The following ZCCHC7 variants were observed in gnomAD, a reference collection of about 807,000 sequenced individuals.
The protein encoded by ZCCHC7 is zinc finger CCHC domain-containing protein 7.
A neutral mutation model predicts 52.0 loss-of-function variants in ZCCHC7; 35 were observed. The ratio of observed to expected loss-of-function variants is 0.67; its 90% CI spans 0.51 to 0.89. The LOEUF (loss-of-function observed/expected upper bound fraction) is 0.89. Ranked by LOEUF, ZCCHC7 falls within the 40% of genes least tolerant of loss-of-function variation. The pLI is 0.00. For synonymous variants in ZCCHC7, 217 were observed against 221.5 expected (o/e 0.98, Z 0.18); for missense variants, 574 against 649.1 (o/e 0.88, Z 1.26).
intron 2 of ZCCHC7, among the ~76,000 whole-genome samples, chr9:37,280,992 A>T (rs907827440): frequency 1.3e-5 from 2 of 152,218 alleles, no homozygotes; most frequent in East Asian, 1.9e-4. Flanking sequence ...AAGGACTGGG[A>T]TAGGCAGGTA....
At chr9:37,209,196 A>G (rs1052836906) in intron 2 of ZCCHC7, among the ~76,000 whole-genome samples, 1 of 151,994 alleles carries the variant, frequency 6.6e-6, no homozygotes. Context: ...GCCCACAACC[A>G]CGCCTGGCTA....
At chr9:37,279,571 A>G (rs896367755) in intron 2 of ZCCHC7, among the ~76,000 whole-genome samples, 1 of 152,100 alleles carries the variant, frequency 6.6e-6, no homozygotes, top group African/African-American at 2.4e-5. Flanking sequence ...ATTGATAATT[A>G]CATCTGGCCA....
At chr9:37,283,064 GTTTTC>G (rs1828048172) in intron 2 of ZCCHC7, among the ~76,000 whole-genome samples, 1 of 151,728 alleles carries the variant, frequency 6.6e-6, no homozygotes, top group Non-Finnish European at 1.5e-5. Flanking sequence ...AAATTCAATT[GTTTTC>G]TTTTCTGTTG....
At chr9:37,211,672 G>A (rs1052209891) in intron 2 of ZCCHC7, among the ~76,000 whole-genome samples, 2 of 152,114 alleles carry the variant, frequency 1.3e-5, no homozygotes, top group African/African-American at 4.8e-5. Context: ...ATATGGAAAT[G>A]TTGCTCAGCA....
chr9:37,150,972 T>G (rs893326602), intron 2 of ZCCHC7, among the ~76,000 whole-genome samples: 5 of 146,992 alleles, frequency 3.4e-5, no homozygotes, highest in African/African-American at 7.9e-5. Context: ...TTTTGTTTTT[T>G]TTTTTTTTTT....
chr9:37,337,120 A>G (rs182576140), intron 6 of ZCCHC7, among the ~76,000 whole-genome samples: 2 of 152,020 alleles, frequency 1.3e-5, no homozygotes, highest in African/African-American at 2.4e-5. Context: ...CTATTTCTTT[A>G]TTTCCCCTAA....
chr9:37,254,640 CT>C (rs1826486060), intron 2 of ZCCHC7, among the ~76,000 whole-genome samples: 1 of 151,990 alleles, frequency 6.6e-6, no homozygotes, highest in Admixed American at 6.6e-5. Flanking sequence ...TCTCTACCTA[CT>C]TTAAGAATTA....
rs1829177137 is a variant in ZCCHC7, at chr9:37,304,051, G to A, written c.655-137G>A. On this transcript the variant is annotated intron_variant, in intron 3 of 8. Coordinates refer to ENST00000336755, the MANE Select transcript of ZCCHC7 (RefSeq NM_032226.3). ...AACAGATATAACTAATAATTCTCTT[G>A]CTTTATCAAGGTAATGGAACTGACT... The A allele has an allele frequency of 6.5e-6, 5 of 770,288 alleles. 1 individual carries two copies. In the South Asian group the frequency reaches 9.4e-5, roughly 14 times the overall value. The allele number at this position is 770,288 out of a possible 1,614,324, so 47.7% of individuals were successfully genotyped here. A position where few individuals can be genotyped will look rare whatever the true frequency, so the allele number is the denominator to read the frequency against.
intron 2 of ZCCHC7, among the ~76,000 whole-genome samples, chr9:37,280,922 A>C (rs1033039034): frequency 2.0e-5 from 3 of 152,150 alleles, no homozygotes; most frequent in Non-Finnish European, 4.4e-5. Context: ...TTGAAAGCAA[A>C]AAAAAAGTAA....
At chr9:37,331,806 AAACC>A (rs1231393105) in intron 6 of ZCCHC7, among the ~76,000 whole-genome samples, 1 of 151,492 alleles carries the variant, frequency 6.6e-6, no homozygotes, top group African/African-American at 2.4e-5. Context: ...AGATCTGTAA[AAACC>A]ATAATAACCC....
chr9:37,295,962 G>C (rs1265452020), intron 2 of ZCCHC7, among the ~76,000 whole-genome samples: 2 of 152,166 alleles, frequency 1.3e-5, no homozygotes, highest in Non-Finnish European at 2.9e-5. Flanking sequence ...TATCAGCCAA[G>C]AGAATTGTAA....
chr9:37,273,457 C>A (rs931165511), intron 2 of ZCCHC7, among the ~76,000 whole-genome samples: 1 of 152,080 alleles, frequency 6.6e-6, no homozygotes, highest in Non-Finnish European at 1.5e-5. Context: ...GAGCTGAGAT[C>A]GCGCCACTGC....
intron 2 of ZCCHC7, among the ~76,000 whole-genome samples, chr9:37,222,072 A>G (rs573443438): frequency 2.8e-4 from 42 of 152,274 alleles, no homozygotes; most frequent in Non-Finnish European, 5.0e-4. Flanking sequence ...ATGGAAGAGC[A>G]TACATTTTAA....
chr9:37,206,777 C>T (rs1823939408), intron 2 of ZCCHC7, among the ~76,000 whole-genome samples: 1 of 152,122 alleles, frequency 6.6e-6, no homozygotes, highest in South Asian at 2.1e-4. Flanking sequence ...TTGACTACCT[C>T]CTCCCTTACA....
At chr9:37,355,269 C>T (rs1400949537) in intron 8 of ZCCHC7, among the ~76,000 whole-genome samples, 2 of 152,212 alleles carry the variant, frequency 1.3e-5, no homozygotes, top group Non-Finnish European at 2.9e-5. Flanking sequence ...GCTCCAAGTT[C>T]ACAACCACCT....
chr9:37,216,641 T>C (rs1824520716), intron 2 of ZCCHC7, among the ~76,000 whole-genome samples: 1 of 151,956 alleles, frequency 6.6e-6, no homozygotes, highest in Admixed American at 6.6e-5. Context: ...ACCATTGCAC[T>C]CCAGCGTGGG....
At chr9:37,171,882 A>G (rs1028268740) in intron 2 of ZCCHC7, among the ~76,000 whole-genome samples, 1 of 152,042 alleles carries the variant, frequency 6.6e-6, no homozygotes, top group Non-Finnish European at 1.5e-5. Flanking sequence ...TGTTTTTCAG[A>G]TGGAAAAAAT....
At chr9:37,284,300 A>G (rs886460189) in intron 2 of ZCCHC7, 2 of 152,230 alleles carry the variant, frequency 1.3e-5, no homozygotes, top group Admixed American at 1.3e-4. Flanking sequence ...TAAGCGAACA[A>G]TATCTGAAAA....
chr9:37,328,705 T>A (rs1336388894), intron 6 of ZCCHC7, among the ~76,000 whole-genome samples: 2 of 151,934 alleles, frequency 1.3e-5, no homozygotes, highest in African/African-American at 2.4e-5. Flanking sequence ...AAGGGCAAAG[T>A]TCTTTCAAAA....
Sources: allele counts gnomAD v4.1 joint callset (sites outside exome capture counted in the v4.1 genomes callset), GRCh38; gene constraint gnomAD v4.1.1; transcripts MANE v1.5; gene names NCBI Gene and HGNC (gene_info 2026-07-23, HGNC 2026-07-21).